Variants in CTDSPL observed in about 807,000 individuals in gnomAD.
CTDSPL encodes the protein CTD small phosphatase-like protein.
Under a neutral mutation model 30.5 loss-of-function variants are expected in CTDSPL, and 8 were observed. The ratio of observed to expected loss-of-function variants is 0.26; its 90% CI spans 0.15 to 0.47. CTDSPL has a LOEUF of 0.47. CTDSPL is among the 20% of genes least tolerant of loss of function. CTDSPL has a pLI of 0.99. For synonymous variants in CTDSPL, 110 were observed against 137.9 expected, an observed-to-expected ratio of 0.80 and a Z score of 1.42; for missense variants, 248 against 366.1, an observed-to-expected ratio of 0.68 and a Z score of 2.63.
chr3:37,888,776 T>A (rs1559625222), intron 1 of CTDSPL, among the ~76,000 whole-genome samples: 2 of 152,228 alleles, frequency 1.3e-5, no homozygotes, highest in Non-Finnish European at 2.9e-5. Context: ...CAGAATAGCT[T>A]GGTTGTTGCC....
At chr3:37,951,649 C>T (rs111520890) in intron 2 of CTDSPL, among the ~76,000 whole-genome samples, 1 of 152,160 alleles carries the variant, frequency 6.6e-6, no homozygotes, top group Admixed American at 6.5e-5. Flanking sequence ...CCACTCCCCT[C>T]CAGCCTGGGT....
chr3:37,960,684 G>T, intron 3 of CTDSPL, among the ~76,000 whole-genome samples: 1 of 146,934 alleles, frequency 6.8e-6, no homozygotes, highest in Non-Finnish European at 1.5e-5. Context: ...GAGCCAGGAT[G>T]GCACCACTGC....
At chr3:37,965,692 A>G (rs1335622459) in intron 4 of CTDSPL, among the ~76,000 whole-genome samples, 1 of 152,210 alleles carries the variant, frequency 6.6e-6, no homozygotes, top group Admixed American at 6.5e-5. Context: ...GAGCTGTCAA[A>G]TGTGCCCAAA....
chr3:37,927,411 A>G (rs1180001677), intron 1 of CTDSPL, among the ~76,000 whole-genome samples: 2 of 152,238 alleles, frequency 1.3e-5, no homozygotes, highest in African/African-American at 2.4e-5. Context: ...ATAACTCATT[A>G]TGTATGTGCA....
intron 1 of CTDSPL, among the ~76,000 whole-genome samples, chr3:37,865,309 G>A (rs564720055): frequency 7.9e-5 from 12 of 152,334 alleles, no homozygotes; most frequent in African/African-American, 2.9e-4. Flanking sequence ...GTGGACAAGA[G>A]TTAGGAACAA....
intron 1 of CTDSPL, among the ~76,000 whole-genome samples, chr3:37,875,253 C>T (rs979714175): frequency 8.5e-5 from 13 of 152,172 alleles, no homozygotes; most frequent in African/African-American, 2.9e-4. Flanking sequence ...AAGCAGTGGC[C>T]TTTCTGGATG....
At chr3:37,980,481 TC>T (rs1451964137) in intron 7 of CTDSPL, among the ~76,000 whole-genome samples, 1 of 152,234 alleles carries the variant, frequency 6.6e-6, no homozygotes, top group Non-Finnish European at 1.5e-5. Context: ...GCCACCTTTT[TC>T]TGTGGCAGGA....
At chr3:37,886,213 T>C (rs1322878225) in intron 1 of CTDSPL, among the ~76,000 whole-genome samples, 1 of 152,170 alleles carries the variant, frequency 6.6e-6, no homozygotes, top group African/African-American at 2.4e-5. Context: ...TTTTATCATA[T>C]TCCACATCCC....
At chr3:37,947,427 G>A (rs942566221) in intron 2 of CTDSPL, among the ~76,000 whole-genome samples, 11 of 152,286 alleles carry the variant, frequency 7.2e-5, no homozygotes, top group Non-Finnish European at 7.4e-5. Flanking sequence ...GGGCGTGGTG[G>A]CAGGCGCCTG....
intron 3 of CTDSPL, among the ~76,000 whole-genome samples, chr3:37,959,904 A>C (rs1015033070): frequency 6.6e-6 from 1 of 152,236 alleles, no homozygotes; most frequent in Non-Finnish European, 1.5e-5. Flanking sequence ...GCTAATCTGA[A>C]AATAAAGAAT....
intron 1 of CTDSPL, among the ~76,000 whole-genome samples, chr3:37,894,284 G>GAGAGTCTCGCT (rs1459935692): frequency 6.6e-6 from 1 of 151,122 alleles, no homozygotes; most frequent in Non-Finnish European, 1.5e-5. Flanking sequence ...TTGTAGAGAC[G>GAGAGTCTCGCT]AGAGTCTCGC....
chr3:37,957,014 C>A, intron 2 of CTDSPL, 97 bp from the exon 3 acceptor site: 2 of 978,374 alleles, frequency 2.0e-6, no homozygotes, highest in Non-Finnish European at 1.6e-6. Flanking sequence ...AATGGCAGAT[C>A]ATGCAGCTGC....
chr3:37,920,508 A>T (rs1031316492), intron 1 of CTDSPL, among the ~76,000 whole-genome samples: 5 of 152,290 alleles, frequency 3.3e-5, no homozygotes, highest in African/African-American at 1.2e-4. Flanking sequence ...TCCCCAGGCC[A>T]CCATCTGCCC....
At chr3:37,904,781 C>G (rs1005102626) in intron 1 of CTDSPL, among the ~76,000 whole-genome samples, 2 of 145,256 alleles carry the variant, frequency 1.4e-5, no homozygotes, top group African/African-American at 5.0e-5. Context: ...TCTGCTACTT[C>G]CTTCTCTGAT....
At chr3:37,895,762 A>G (rs950928673) in intron 1 of CTDSPL, among the ~76,000 whole-genome samples, 1 of 152,208 alleles carries the variant, frequency 6.6e-6, no homozygotes, top group African/African-American at 2.4e-5. Flanking sequence ...AAAATAATCA[A>G]AACAGTAGTT....
intron 1 of CTDSPL, among the ~76,000 whole-genome samples, chr3:37,900,424 A>T (rs978155545): frequency 1.3e-5 from 2 of 152,238 alleles, no homozygotes; most frequent in African/African-American, 4.8e-5. Context: ...AGTAAGGGTC[A>T]CATTTTGACA....
intron 1 of CTDSPL, among the ~76,000 whole-genome samples, chr3:37,882,027 G>T (rs1350775713): frequency 6.6e-6 from 1 of 152,122 alleles, no homozygotes; most frequent in African/African-American, 2.4e-5. Context: ...AAAATATTAG[G>T]CCGGGCGTGG....
intron 1 of CTDSPL, among the ~76,000 whole-genome samples, chr3:37,903,368 T>C (rs1276912114): frequency 6.6e-6 from 1 of 152,252 alleles, no homozygotes; most frequent in East Asian, 1.9e-4. Flanking sequence ...AGAGGCCTTC[T>C]TGTTGCTGTT....
At chr3:37,970,792 C>T (rs568746592) in intron 5 of CTDSPL, among the ~76,000 whole-genome samples, 1 of 152,314 alleles carries the variant, frequency 6.6e-6, no homozygotes, top group Non-Finnish European at 1.5e-5. Flanking sequence ...CCAGGAATAG[C>T]GATGGTTTCA....
Sources: gnomAD v4.1 joint callset for allele counts (sites outside exome capture counted in the v4.1 genomes callset) on GRCh38, gnomAD v4.1.1 for gene constraint, MANE v1.5 for transcripts, NCBI Gene and HGNC (gene_info 2026-07-23, HGNC 2026-07-21) for gene names.